WDR41: variants seen among roughly 807,000 people sequenced by gnomAD.
WDR41 encodes the protein WD repeat-containing protein 41.
WDR41 carries 63 observed loss-of-function variants against 69.3 expected under a neutral mutation model. The observed-to-expected ratio is 0.91, with a 90% CI of 0.74 to 1.12. The LOEUF is 1.12. WDR41 is among the 50% of genes most tolerant of loss of function. WDR41 has a pLI of 0.00. For missense variants in WDR41, 543 were observed against 534.5 expected, an observed-to-expected ratio of 1.02 and a Z score of -0.16; for synonymous variants, 185 against 192.1, an observed-to-expected ratio of 0.96 and a Z score of 0.31.
chr5:77,575,404 T>C (rs779159706), intron 1 of WDR41, among the ~76,000 whole-genome samples: 21 of 152,212 alleles, frequency 1.4e-4, no homozygotes, highest in Non-Finnish European at 2.1e-4. Context: ...CAGCAAGCCA[T>C]GTGCTTTCAG....
At chr5:77,557,259 T>C (rs1743420551) in intron 1 of WDR41, among the ~76,000 whole-genome samples, 2 of 152,042 alleles carry the variant, frequency 1.3e-5, no homozygotes, top group South Asian at 4.2e-4. Flanking sequence ...AAACTTCTGT[T>C]TAAAAGCAAA....
At chr5:77,483,188 A>C (rs536705852) in intron 2 of WDR41, among the ~76,000 whole-genome samples, 1 of 152,114 alleles carries the variant, frequency 6.6e-6, no homozygotes, top group Non-Finnish European at 1.5e-5. Flanking sequence ...TCCAGGCTAC[A>C]GTCAGTGGCC....
At chr5:77,605,994 A>G (rs1279193966) in intron 1 of WDR41, among the ~76,000 whole-genome samples, 1 of 152,208 alleles carries the variant, frequency 6.6e-6, no homozygotes, top group Non-Finnish European at 1.5e-5. Context: ...TATGTTAAGA[A>G]ATGGTATGGT....
intron 8 of WDR41, among the ~76,000 whole-genome samples, chr5:77,441,692 C>G (rs942596055): frequency 1.3e-5 from 2 of 151,868 alleles, no homozygotes; most frequent in African/African-American, 4.8e-5. Flanking sequence ...GAGCTGAGAT[C>G]GCGCCACTGC....
chr5:77,570,397 G>A (rs1026748134), intron 1 of WDR41, among the ~76,000 whole-genome samples: 1 of 151,112 alleles, frequency 6.6e-6, no homozygotes, highest in African/African-American at 2.4e-5. Flanking sequence ...AATTGCAGGA[G>A]TTAGGAACAG....
chr5:77,471,431 C>G (rs1245571351), intron 2 of WDR41, among the ~76,000 whole-genome samples: 2 of 152,038 alleles, frequency 1.3e-5, no homozygotes, highest in Non-Finnish European at 2.9e-5. Flanking sequence ...AAGATCAGAG[C>G]AGAACTGAAG....
intron 2 of WDR41, among the ~76,000 whole-genome samples, chr5:77,487,068 C>T (rs533377005): frequency 6.6e-6 from 1 of 152,316 alleles, no homozygotes; most frequent in South Asian, 2.1e-4. Flanking sequence ...ACAGAGTCCT[C>T]TTCTAACTAT....
At chr5:77,437,188 C>T (rs1386599978) in intron 11 of WDR41, 148 bp downstream of exon 11, 1 of 665,432 alleles carries the variant, frequency 1.5e-6, no homozygotes, top group Non-Finnish European at 2.6e-6. Context: ...TCCTAGATCT[C>T]AATTACCATA....
chr5:77,519,083 C>T (rs1802334250), intron 1 of WDR41, among the ~76,000 whole-genome samples: 1 of 151,808 alleles, frequency 6.6e-6, no homozygotes, highest in Non-Finnish European at 1.5e-5. Flanking sequence ...TTTGTGTATT[C>T]AATAAATATA....
At chr5:77,452,018 A>AAAAC (rs1554109261) in intron 6 of WDR41, 3 of 31,174 alleles carry the variant, frequency 9.6e-5, no homozygotes, top group African/African-American at 4.7e-4. Flanking sequence ...ACGTGTTGGC[A>AAAAC]AAAAAAAAAA....
intron 5 of WDR41, among the ~76,000 whole-genome samples, chr5:77,457,165 G>A (rs1799867292): frequency 6.6e-6 from 1 of 152,114 alleles, no homozygotes; most frequent in African/African-American, 2.4e-5. Context: ...AGATGATCCT[G>A]TGGTTTTTGT....
Position 77,454,530 on chromosome 5 carries a change from C to T in WDR41, c.412-602G>A, listed in dbSNP as rs1242326913. 5.3e-5 allele frequency among the ~76,000 whole-genome samples: 8 copies of T among 152,312 alleles called. No individual in the cohort carries two copies. In the South Asian group the frequency reaches 8.3e-4, roughly 16 times the overall value. ...TTTTAAATCAAATTGAAACTATGACCTTAGTTTCTCTGTATCTTTAGAATA... is the reference window on the plus strand; with the variant it reads ...TTTTAAATCAAATTGAAACTATGACTTTAGTTTCTCTGTATCTTTAGAATA... On this transcript the variant is annotated intron_variant, in intron 5 of 12. Coordinates refer to ENST00000296679, the MANE Select transcript of WDR41 (RefSeq NM_018268.4).
chr5:77,515,310 A>T (rs1475068341), intron 1 of WDR41, among the ~76,000 whole-genome samples: 1 of 152,158 alleles, frequency 6.6e-6, no homozygotes, highest in Non-Finnish European at 1.5e-5. Flanking sequence ...CATACACACT[A>T]GCTTAGGCCT....
At chr5:77,491,791 G>A in intron 1 of WDR41, 1 of 225,798 alleles carries the variant, frequency 4.4e-6, no homozygotes, top group South Asian at 1.6e-4. Context: ...CAACTCGTTC[G>A]TTTCTAGCTA....
intron 1 of WDR41, among the ~76,000 whole-genome samples, chr5:77,556,583 T>C (rs1482689469): frequency 6.6e-6 from 1 of 152,170 alleles, no homozygotes; most frequent in East Asian, 1.9e-4. Flanking sequence ...AATTTCTGTA[T>C]TGTTTGTGGA....
intron 2 of WDR41, among the ~76,000 whole-genome samples, chr5:77,472,759 T>G (rs542506060): frequency 2.0e-5 from 3 of 151,796 alleles, no homozygotes; most frequent in South Asian, 2.1e-4. Flanking sequence ...CACTGCTCAA[T>G]GAAATAAAAG....
chr5:77,474,343 G>A (rs1348520179), intron 2 of WDR41, among the ~76,000 whole-genome samples: 1 of 152,088 alleles, frequency 6.6e-6, no homozygotes, highest in African/African-American at 2.4e-5. Flanking sequence ...TTAAAATGAT[G>A]AGTTACTGGG....
intron 1 of WDR41, among the ~76,000 whole-genome samples, chr5:77,508,119 T>A (rs1802140146): frequency 6.6e-6 from 1 of 152,146 alleles, no homozygotes; most frequent in Non-Finnish European, 1.5e-5. Context: ...TTATTTTTAT[T>A]TATTTATTTT....
In WDR41 at chr5:77,511,591, C is replaced by A. The variant is rs114815836; in HGVS notation, c.43-22019G>T. On this transcript the variant is annotated intron_variant, in intron 1 of 5. Transcript: ENST00000509971. ...TGAACAACACAGGCAAAGAATTTTTCTTTTCTCTCTATGTAACCCGTGGAG... is the reference window on the plus strand; with the variant it reads ...TGAACAACACAGGCAAAGAATTTTTATTTTCTCTCTATGTAACCCGTGGAG... Among the ~76,000 whole-genome samples, 600 of 152,224 alleles carry A rather than the reference C, an allele frequency of 3.9e-3. 2 individuals are homozygous for A. Among genetic ancestry groups the A allele is most frequent in the Non-Finnish European group, 6.9e-3 (466 of 67,998 alleles).
Sources: allele counts gnomAD v4.1 joint callset (sites outside exome capture counted in the v4.1 genomes callset), GRCh38; gene constraint gnomAD v4.1.1; transcripts MANE v1.5; gene names NCBI Gene and HGNC (gene_info 2026-07-23, HGNC 2026-07-21).